Variants in SPHKAP observed in about 807,000 individuals in gnomAD.
SPHKAP encodes A-kinase anchor protein SPHKAP.
A neutral mutation model predicts 137.5 loss-of-function variants in SPHKAP; 67 were observed. That is an observed-to-expected ratio of 0.49 (90% CI 0.40 to 0.60). SPHKAP has a LOEUF of 0.60. Among genes scored for constraint, SPHKAP ranks in the 20% least tolerant of loss-of-function variants. The pLI, the probability that SPHKAP is intolerant of heterozygous loss-of-function variation, is 0.00. For synonymous variants in SPHKAP, 813 were observed against 785.3 expected (o/e 1.04, Z -0.59); for missense variants, 2,097 against 2,069.3 (o/e 1.01, Z -0.26).
chr2:228,112,270 GT>G (rs1271083684), intron 2 of SPHKAP, among the ~76,000 whole-genome samples: 2 of 152,092 alleles, frequency 1.3e-5, no homozygotes, highest in Non-Finnish European at 2.9e-5. Context: ...AAGATCAAGT[GT>G]AAAATACAGG....
At chr2:228,078,949 C>T (rs1285881864) in intron 3 of SPHKAP, among the ~76,000 whole-genome samples, 2 of 152,198 alleles carry the variant, frequency 1.3e-5, no homozygotes, top group African/African-American at 4.8e-5. Flanking sequence ...GGCAGGATCC[C>T]CCAGCCCCAG....
At chr2:228,120,629 T>A (rs1698874301) in intron 2 of SPHKAP, among the ~76,000 whole-genome samples, 1 of 152,146 alleles carries the variant, frequency 6.6e-6, no homozygotes, top group Non-Finnish European at 1.5e-5. Context: ...CTACACTGTA[T>A]CTTAATGTTG....
intron 3 of SPHKAP, among the ~76,000 whole-genome samples, chr2:228,030,267 G>A (rs1454703658): frequency 6.6e-6 from 1 of 152,018 alleles, no homozygotes; most frequent in Non-Finnish European, 1.5e-5. Flanking sequence ...TGTAATCCCA[G>A]CACTTTGGGA....
intron 1 of SPHKAP, among the ~76,000 whole-genome samples, chr2:228,172,706 T>C (rs2106430166): frequency 6.6e-6 from 1 of 152,344 alleles, no homozygotes; most frequent in East Asian, 1.9e-4. Context: ...TTCTTACTCA[T>C]GCTACATGTC....
intron 3 of SPHKAP, among the ~76,000 whole-genome samples, chr2:228,053,940 A>T (rs1458264952): frequency 1.3e-5 from 2 of 152,202 alleles, no homozygotes; most frequent in Non-Finnish European, 2.9e-5. Context: ...AAATTAATGT[A>T]TTTAATCACC....
At position 228,110,239 on chromosome 2, in the gene SPHKAP, C is replaced by T. The variant is rs1243270840; in HGVS notation, c.139-1300G>A. ...ACTTTTAGTCTCTGAATACAGTTAACTAAATCTAATTGTGACACATTTTAG... is the reference window on the plus strand; with the variant it reads ...ACTTTTAGTCTCTGAATACAGTTAATTAAATCTAATTGTGACACATTTTAG... On this transcript the variant is annotated intron_variant, in intron 2 of 11. Transcript: ENST00000392056. Among the ~76,000 whole-genome samples, 3 of 151,624 alleles carry T rather than the reference C, an allele frequency of 2.0e-5. No homozygotes were observed. In the East Asian group the frequency reaches 5.8e-4, roughly 29 times the overall value.
intron 11 of SPHKAP, among the ~76,000 whole-genome samples, chr2:227,988,965 G>A (rs536768130): frequency 6.6e-6 from 1 of 152,298 alleles, no homozygotes; most frequent in African/African-American, 2.4e-5. Flanking sequence ...GAAGGGAAGT[G>A]TTAATTACCA....
intron 2 of SPHKAP, among the ~76,000 whole-genome samples, chr2:228,122,501 T>G (rs1021975183): frequency 6.6e-6 from 1 of 152,100 alleles, no homozygotes; most frequent in Admixed American, 6.5e-5. Flanking sequence ...CAGACTGACT[T>G]CGGAATAAGA....
intron 1 of SPHKAP, among the ~76,000 whole-genome samples, chr2:228,177,785 A>T (rs1700784846): frequency 6.6e-6 from 1 of 152,206 alleles, no homozygotes; most frequent in Non-Finnish European, 1.5e-5. Context: ...AAACAAAATG[A>T]CAGGAAGCCT....
At chr2:228,149,249 T>G (rs1174384649) in intron 1 of SPHKAP, among the ~76,000 whole-genome samples, 1 of 152,232 alleles carries the variant, frequency 6.6e-6, no homozygotes, top group Non-Finnish European at 1.5e-5. Context: ...CTGTAAGGCA[T>G]GCTCTAGTTC....
intron 3 of SPHKAP, among the ~76,000 whole-genome samples, chr2:228,056,161 CAT>C (rs959506296): frequency 3.2e-4 from 48 of 152,218 alleles, no homozygotes; most frequent in Non-Finnish European, 5.9e-5. Flanking sequence ...CCTTCATCAC[CAT>C]TATCACAATT....
intron 7 of SPHKAP, among the ~76,000 whole-genome samples, chr2:228,002,246 T>A (rs1420530754): frequency 1.3e-5 from 2 of 152,196 alleles, no homozygotes; most frequent in Non-Finnish European, 2.9e-5. Context: ...TTCCTGACTT[T>A]TTAATGATTG....
rs1693001122 is a variant in SPHKAP, at chr2:227,981,766, T to G, written c.5054A>C (p.Gln1685Pro). The G allele has an allele frequency of 1.2e-6, 2 of 1,613,966 alleles. No homozygotes were observed. The highest frequency in any genetic ancestry group is 1.7e-6 in the Non-Finnish European group (2 of 1,179,846). The change falls in exon 12 of 12, where the codon CAG (glutamine) becomes CCG (proline). Residue 1685 changes from glutamine to proline, a missense_variant. Physicochemically the swap from Gln to Pro is moderately conservative, Grantham distance 76. Transcript: ENST00000392056. Reference sequence around the variant, plus strand: ...AAAGAGACTCAGTCTCCCATCCTTCTGCTCCTCATGCATTTTGCAGTACTG... The same window carrying G: ...AAAGAGACTCAGTCTCCCATCCTTCGGCTCCTCATGCATTTTGCAGTACTG... ...VVQYCKMHEEQKDGRLSLFDW... is the reference protein window; with the variant it reads ...VVQYCKMHEEPKDGRLSLFDW...
rs373893925 is a variant in SPHKAP, at chr2:228,017,888, C to G, written c.2966G>C (p.Gly989Ala). The change falls in exon 7 of 12, where the codon GGG (glycine) becomes GCG (alanine). Residue 989 changes from glycine to alanine, a missense_variant. Physicochemically the swap from Gly to Ala is moderately conservative, Grantham distance 60. Coordinates refer to ENST00000392056, the MANE Select transcript of SPHKAP (RefSeq NM_001142644.2). Reference protein sequence around the residue: ...LKRKKESQGSGTAVRKHKPPR... With the variant: ...LKRKKESQGSATAVRKHKPPR... ...AGGCTTGTGTTTCCTCACAGCGGTC[C>G]CGCTCCCCTGGCTCTCTTTCTTCCT... The G allele has an allele frequency of 1.2e-6, 2 of 1,614,050 alleles. No homozygotes were observed.
rs1559168553 is a variant in SPHKAP, at chr2:228,092,110, C to CATAT, written c.246+16721_246+16722insATAT. Among the ~76,000 whole-genome samples, 513 of 140,748 alleles carry CATAT rather than the reference C, an allele frequency of 3.6e-3. 7 individuals are homozygous for CATAT. The highest frequency in any genetic ancestry group is 0.012 in the African/African-American group (453 of 37,396). 92.3% of individuals were successfully genotyped at this position (140,748 alleles called of 152,430 possible). A position where few individuals can be genotyped will look rare whatever the true frequency, so the allele number is the denominator to read the frequency against. On this transcript the variant is annotated intron_variant, in intron 3 of 11. Transcript: ENST00000392056. ...ATATGTGTGTATATATGTATATATACACATATATACATATACGTATATGTG... is the reference window on the plus strand; with the variant it reads ...ATATGTGTGTATATATGTATATATACATATACATATATACATATACGTATATGTG...
chr2:228,113,103 C>A (rs1004248590), intron 2 of SPHKAP, among the ~76,000 whole-genome samples: 1 of 152,028 alleles, frequency 6.6e-6, no homozygotes. Context: ...TATTCATTTG[C>A]CACATACATG....
At chr2:227,997,663 C>T (rs1693686338) in intron 7 of SPHKAP, among the ~76,000 whole-genome samples, 1 of 152,172 alleles carries the variant, frequency 6.6e-6, no homozygotes, top group African/African-American at 2.4e-5. Context: ...TCCCACCTCC[C>T]CAAGGCCTTT....
chr2:228,122,456 AGTG>A (rs1698942218), intron 2 of SPHKAP, among the ~76,000 whole-genome samples: 1 of 152,212 alleles, frequency 6.6e-6, no homozygotes, highest in Non-Finnish European at 1.5e-5. Context: ...ACGAGAAGTG[AGTG>A]GAGTTCAGAG....
At chr2:228,125,101 T>G (rs1403196842) in intron 2 of SPHKAP, among the ~76,000 whole-genome samples, 1 of 152,196 alleles carries the variant, frequency 6.6e-6, no homozygotes, top group East Asian at 1.9e-4. Flanking sequence ...TTAAGGTGCA[T>G]TTAATTAACA....
Sources: allele counts gnomAD v4.1 joint callset (sites outside exome capture counted in the v4.1 genomes callset), GRCh38; gene constraint gnomAD v4.1.1; transcripts MANE v1.5; gene names NCBI Gene and HGNC (gene_info 2026-07-23, HGNC 2026-07-21).